KDM5A: variants seen among roughly 807,000 people sequenced by gnomAD.
KDM5A encodes the protein lysine demethylase 5A, also known as lysine-specific demethylase 5A.
KDM5A carries 42 observed loss-of-function variants against 193.5 expected under a neutral mutation model. The ratio of observed to expected loss-of-function variants is 0.22; its 90% CI spans 0.17 to 0.28. The LOEUF (loss-of-function observed/expected upper bound fraction) is 0.28. KDM5A is among the 10% of genes least tolerant of loss of function. KDM5A has a pLI of 1.00. For synonymous variants in KDM5A, 796 were observed against 718.1 expected (o/e 1.11, Z -1.73); for missense variants, 1,692 against 2,055.1 (o/e 0.82, Z 3.42).
chr12:325,687 A>C (rs1943774122), intron 14 of KDM5A, among the ~76,000 whole-genome samples: 1 of 151,602 alleles, frequency 6.6e-6, no homozygotes, highest in South Asian at 2.1e-4. Flanking sequence ...TAAATAAATA[A>C]AACAAAACAA....
At chr12:299,006 G>A (rs1943407894) in intron 24 of KDM5A, among the ~76,000 whole-genome samples, 1 of 151,940 alleles carries the variant, frequency 6.6e-6, no homozygotes, top group Non-Finnish European at 1.5e-5. Context: ...AGAGGAAAAA[G>A]AGTGAAAAGA....
rs775835252 is a variant in KDM5A at position 385,929 on chromosome 12, T to C, written c.211A>G (p.Thr71Ala). Residue 71 changes from threonine to alanine, a missense_variant, in exon 2 of 28, where the codon ACT becomes GCT. Thr to Ala is a moderately conservative substitution (Grantham distance 58). Coordinates refer to ENST00000399788, the MANE Select transcript of KDM5A (RefSeq NM_001042603.3). Reference sequence around the variant, plus strand: ...TCATTCAGGCGCTGGACTCTTGGAGTGAAACGAAAGCTTTTTACTTCACAG... The same window carrying C: ...TCATTCAGGCGCTGGACTCTTGGAGCGAAACGAAAGCTTTTTACTTCACAG... ...FACEVKSFRF[T>A]PRVQRLNELE... The C allele has an allele frequency of 6.8e-6, 11 of 1,613,718 alleles. No homozygotes were observed. The highest frequency in any genetic ancestry group is 8.5e-6 in the Non-Finnish European group (10 of 1,179,852).
intron 27 of KDM5A, 30 bp from the exon 28 acceptor site, chr12:285,692 G>T: frequency 6.3e-7 from 1 of 1,577,626 alleles, no homozygotes; most frequent in Non-Finnish European, 8.7e-7. Flanking sequence ...GGAATGTTTA[G>T]GTTACATAAA....
intron 8 of KDM5A, 36 bp from the exon 9 acceptor site, chr12:352,360 A>C (rs1172000671): frequency 1.3e-6 from 2 of 1,593,556 alleles, no homozygotes; most frequent in Non-Finnish European, 1.7e-6. Flanking sequence ...AACTTACTGA[A>C]ACTAAACTGA....
chr12:371,228 A>G (rs1178089491), intron 3 of KDM5A, among the ~76,000 whole-genome samples: 3 of 152,236 alleles, frequency 2.0e-5, no homozygotes, highest in African/African-American at 7.2e-5. Context: ...TTATAGTCCC[A>G]CTAACAGTGT....
intron 1 of KDM5A, among the ~76,000 whole-genome samples, chr12:386,274 C>T (rs1388131636): frequency 6.6e-6 from 1 of 152,106 alleles, no homozygotes; most frequent in Non-Finnish European, 1.5e-5. Context: ...AGCCTAAATA[C>T]AAAATTCTTT....
At position 312,420 on chromosome 12, in the gene KDM5A, A is replaced by G. The variant is rs80202492; in HGVS notation, c.3036+636T>C. On this transcript the variant is annotated intron_variant, in intron 20 of 27. Coordinates refer to ENST00000399788, the MANE Select transcript of KDM5A (RefSeq NM_001042603.3). ...AATTTCATTTTATTTTTCTGCCTCT[A>G]ATTTTAAAAGTAATTTATGCACATG... Among the ~76,000 whole-genome samples the G allele has an allele frequency of 6.7e-3, 1,021 of 152,284 alleles. 16 individuals carry two copies. Among genetic ancestry groups the G allele is most frequent in the South Asian group, 0.02 (99 of 4,830 alleles).
rs779663101 is a variant in KDM5A, at chr12:322,386, C to G, written c.2426+31G>C. The G allele has an allele frequency of 1.7e-5, 28 of 1,603,936 alleles. No individual in the cohort carries two copies. In the African/African-American group the frequency reaches 2.9e-4, roughly 17 times the overall value. On this transcript the variant is annotated intron_variant, in intron 17 of 27. Coordinates refer to ENST00000399788, the MANE Select transcript of KDM5A (RefSeq NM_001042603.3). ...TTTTACTCTGAAAGAAACAGGAAAA[C>G]ACTGGAGAATTAAACTCTTCTTAGG...
At chr12:339,452 A>G (rs1943974206) in intron 10 of KDM5A, among the ~76,000 whole-genome samples, 1 of 152,304 alleles carries the variant, frequency 6.6e-6, no homozygotes, top group Non-Finnish European at 1.5e-5. Context: ...TCCTGAGTAA[A>G]ACATTTTTGC....
chr12:371,536 T>A (rs1233893389), intron 3 of KDM5A, among the ~76,000 whole-genome samples: 1 of 152,172 alleles, frequency 6.6e-6, no homozygotes. Flanking sequence ...CTGCAAAAAT[T>A]TTCTCCCCTT....
At chr12:330,145 C>G (rs1234806836) in intron 13 of KDM5A, among the ~76,000 whole-genome samples, 1 of 149,584 alleles carries the variant, frequency 6.7e-6, no homozygotes, top group African/African-American at 2.5e-5. Context: ...ACAACTCTTT[C>G]ATATCTTAAA....
intron 8 of KDM5A, among the ~76,000 whole-genome samples, chr12:353,707 G>A (rs1944191692): frequency 6.6e-6 from 1 of 152,074 alleles, no homozygotes; most frequent in Non-Finnish European, 1.5e-5. Flanking sequence ...CAGATTACGA[G>A]GTCAAGAGAC....
intron 10 of KDM5A, among the ~76,000 whole-genome samples, chr12:340,797 A>G (rs1309517839): frequency 6.6e-6 from 1 of 152,106 alleles, no homozygotes; most frequent in Non-Finnish European, 1.5e-5. Flanking sequence ...GTTAAAAGTA[A>G]TATGTTACTC....
rs1943161179 is a variant in KDM5A at position 282,114 on chromosome 12, G to A, written c.*3342C>T. The A allele has an allele frequency of 3.3e-6, 1 of 301,266 alleles. No homozygotes were observed. The highest frequency in any genetic ancestry group is 6.4e-6 in the Non-Finnish European group (1 of 156,030). 18.7% of individuals were successfully genotyped at this position (301,266 alleles called of 1,614,324 possible). A position where few individuals can be genotyped will look rare whatever the true frequency, so the allele number is the denominator to read the frequency against. On this transcript the variant is annotated 3_prime_UTR_variant, in exon 28 of 28. Transcript: ENST00000399788. ...ACAGCTCAGCCTGCACAGAAGCACA[G>A]AAGCAAAGCCCAGGCAGAACCATGC...
intron 3 of KDM5A, among the ~76,000 whole-genome samples, chr12:371,977 T>C (rs1223529396): frequency 6.6e-6 from 1 of 152,224 alleles, no homozygotes; most frequent in African/African-American, 2.4e-5. Context: ...TTGGTACCAG[T>C]ACCATGCTGT....
rs1320131180 is a variant in KDM5A, at chr12:330,075, G to GTATATATA, written c.1774-1047_1774-1046insTATATATA. Reference sequence around the variant, plus strand: ...AAAAAGTGTGTGTGTGTGTGTGTGTGTGTGTGTGTGTATATATATATATCT... The same window carrying GTATATATA: ...AAAAAGTGTGTGTGTGTGTGTGTGTGTATATATATGTGTGTGTGTATATATATATATCT... On this transcript the variant is annotated intron_variant, in intron 13 of 27. Transcript: ENST00000399788. Among the ~76,000 whole-genome samples the GTATATATA allele has an allele frequency of 2.7e-4, 34 of 128,252 alleles. No individual in the cohort carries two copies. In the East Asian group the frequency reaches 3.9e-3, roughly 15 times the overall value. The allele number at this position is 128,252 out of a possible 152,430, so 84.1% of individuals were successfully genotyped here. A position where few individuals can be genotyped will look rare whatever the true frequency, so the allele number is the denominator to read the frequency against.
Position 333,618 on chromosome 12 carries a change from A to C in KDM5A, c.1522T>G (p.Ser508Ala), listed in dbSNP as rs777115220. Residue 508 changes from serine to alanine, a missense_variant, in exon 12 of 28, where the codon TCT (serine) becomes GCT (alanine). Around this residue, in one of 11 missense-constraint regions of KDM5A, gnomAD observed 172 missense variants for 260.3 expected, o/e 0.66. Transcript: ENST00000399788. ...TCCTCCAGTTGCTCTGCAGCATGAG[A>C]TGGCACACCATACCATGTCTTTGGC... ...GEPKTWYGVP[S>A]HAAEQLEEVM... The C allele has an allele frequency of 6.2e-7, 1 of 1,614,126 alleles. No individual in the cohort carries two copies. The highest frequency in any genetic ancestry group is 1.1e-5 in the South Asian group (1 of 91,084).
At chr12:349,180 C>T (rs1368021991) in intron 10 of KDM5A, among the ~76,000 whole-genome samples, 1 of 151,760 alleles carries the variant, frequency 6.6e-6, no homozygotes, top group African/African-American at 2.4e-5. Context: ...GCCACCACGC[C>T]CAGTTAATTT....
chr12:364,257 A>C (rs1358228957), intron 4 of KDM5A, among the ~76,000 whole-genome samples: 1 of 151,692 alleles, frequency 6.6e-6, no homozygotes, highest in Non-Finnish European at 1.5e-5. Flanking sequence ...GGACCACTTG[A>C]AGTCAGGAGT....
Sources: allele counts gnomAD v4.1 joint callset (sites outside exome capture counted in the v4.1 genomes callset), GRCh38; gene constraint gnomAD v4.1.1; regional missense constraint gnomAD v4.1.1; transcripts MANE v1.5; gene names NCBI Gene and HGNC (gene_info 2026-07-23, HGNC 2026-07-21).